STRA6: variants seen among roughly 807,000 people sequenced by gnomAD.
STRA6 encodes the protein signaling receptor and transporter of retinol STRA6.
STRA6 carries 48 observed loss-of-function variants against 83.6 expected under a neutral mutation model. The observed-to-expected ratio is 0.57, with a 90% CI of 0.46 to 0.73. STRA6 has a LOEUF of 0.73. Ranked by LOEUF, STRA6 falls within the 30% of genes least tolerant of loss-of-function variation. The pLI, the probability that STRA6 is intolerant of heterozygous loss-of-function variation, is 0.00. For missense variants in STRA6, 760 were observed against 838.8 expected (o/e 0.91, Z 1.16); for synonymous variants, 353 against 362.3 (o/e 0.97, Z 0.29).
chr15:74,200,493 A>G (rs765827848), intron 2 of STRA6, among the ~76,000 whole-genome samples: 12 of 152,240 alleles, frequency 7.9e-5, no homozygotes, highest in Non-Finnish European at 1.8e-4. Flanking sequence ...CACTGCCATC[A>G]GTGTTCATCC....
rs114998144 is a variant in STRA6, at chr15:74,182,057, T to C, written c.1520+104A>G. The C allele has an allele frequency of 1.3e-3, 1,378 of 1,027,678 alleles. 6 individuals carry two copies. In the African/African-American group the frequency reaches 0.014, roughly 11 times the overall value. The allele number at this position is 1,027,678 out of a possible 1,614,324, so 63.7% of individuals were successfully genotyped here. A position where few individuals can be genotyped will look rare whatever the true frequency, so the allele number is the denominator to read the frequency against. On this transcript the variant is annotated intron_variant, in intron 16 of 18. Transcript: ENST00000395105. ...TTCTACTATCATCTGGGTTCCTTGA[T>C]AGAGAGAAGGGATAGATGGCAGTGG...
At chr15:74,195,157 C>A in intron 7 of STRA6, 145 bp downstream of exon 7, 2 of 1,519,872 alleles carry the variant, frequency 1.3e-6, no homozygotes, top group Non-Finnish European at 8.8e-7. Flanking sequence ...TTGGAAGGGG[C>A]ACATGTTTGA....
At chr15:74,189,079 C>A in intron 12 of STRA6, 36 bp downstream of exon 12, 16 of 1,612,678 alleles carry the variant, frequency 9.9e-6, no homozygotes, top group Non-Finnish European at 1.4e-5. Flanking sequence ...CTTTCATTCC[C>A]CACTGCAGCC....
chr15:74,205,751 C>A (rs1407542828), upstream of STRA6, among the ~76,000 whole-genome samples: 1 of 152,222 alleles, frequency 6.6e-6, no homozygotes, highest in African/African-American at 2.4e-5. Context: ...CCTTCCCCAC[C>A]CCCCACGGAG....
upstream of STRA6, among the ~76,000 whole-genome samples, chr15:74,207,080 G>C (rs1400830362): frequency 1.3e-5 from 2 of 152,222 alleles, no homozygotes; most frequent in Non-Finnish European, 2.9e-5. Flanking sequence ...TTGGGACAGG[G>C]CTTCCTTCCT....
chr15:74,180,193 C>T lies in STRA6; in HGVS notation c.1891G>A (p.Gly631Arg), dbSNP rs144308388. The change falls in exon 19 of 19, where the codon GGG becomes AGG. Residue 631 changes from glycine (G) to arginine (R), a missense_variant. Coordinates refer to ENST00000395105, the MANE Select transcript of STRA6 (RefSeq NM_022369.4). ...CAGCGAGCCCTGCCGCGGCTGGCCC[C>T]GGGCCTAGCTCCCTTGGCCATGGAG... is the stretch of plus-strand genomic sequence containing the variant. ...KDSMAKGARP[G>R]ASRGRARWGL... is the part of the protein sequence containing the mutation. 47 of 1,613,918 alleles carry T rather than the reference C, an allele frequency of 2.9e-5. No homozygotes were observed. The African/African-American group carries it at 4.3e-4, about 15-fold the overall frequency.
intron 17 of STRA6, 87 bp downstream of exon 17, chr15:74,181,208 A>G: frequency 6.4e-7 from 1 of 1,566,478 alleles, no homozygotes; most frequent in Non-Finnish European, 8.7e-7. Context: ...TGAACTGATC[A>G]GCTGGCACGG....
chr15:74,207,627 A>G (rs1033189196), upstream of STRA6: 53 of 1,424,906 alleles, frequency 3.7e-5, no homozygotes, highest in East Asian at 1.3e-3. Flanking sequence ...TACACCCCCA[A>G]CTTCGATAGC....
Position 74,193,902 on chromosome 15 carries a change from C to G in STRA6, c.618G>C (p.Leu206=). 1.2e-6 allele frequency: 2 copies of G among 1,613,658 alleles called. No homozygotes were observed. Among genetic ancestry groups the G allele is most frequent in the Non-Finnish European group, 1.7e-6 (2 of 1,179,664 alleles). Residue 206 remains leucine, a synonymous_variant, in exon 8 of 19, where the codon CTG becomes CTC. Transcript: ENST00000395105. The part of the protein sequence containing the change: ...QVPKIYKYYS[L]LASLPLLLGL... ...CCAGCAGGAGAGGCAGGGAGGCCAG[C>G]AGGGAGTAGTACTTGTAGATCTGGA...
chr15:74,193,577 C>T (rs1391239129), intron 8 of STRA6, among the ~76,000 whole-genome samples: 1 of 152,202 alleles, frequency 6.6e-6, no homozygotes, highest in African/African-American at 2.4e-5. Flanking sequence ...CCCTACTATT[C>T]ACACAGCCCA....
At chr15:74,204,685 C>T (rs1266433096), upstream of STRA6, among the ~76,000 whole-genome samples, 1 of 152,214 alleles carries the variant, frequency 6.6e-6, no homozygotes, top group Non-Finnish European at 1.5e-5. Flanking sequence ...GTAATCCTAG[C>T]ACTTTGGGAG....
At chr15:74,184,811 C>T (rs1429180660) in intron 13 of STRA6, among the ~76,000 whole-genome samples, 169 bp downstream of exon 13, 2 of 152,230 alleles carry the variant, frequency 1.3e-5, no homozygotes, top group Non-Finnish European at 2.9e-5. Flanking sequence ...AGGGCAGGAC[C>T]CAGCCCCACC....
intron 2 of STRA6, among the ~76,000 whole-genome samples, chr15:74,199,371 C>T (rs2073958556): frequency 6.6e-6 from 1 of 152,164 alleles, no homozygotes; most frequent in South Asian, 2.1e-4. Flanking sequence ...AGACCAGCCT[C>T]TTCCCAAAGT....
intron 4 of STRA6, 69 bp from the exon 5 acceptor site, chr15:74,196,216 G>A: frequency 1.3e-6 from 2 of 1,593,908 alleles, no homozygotes; most frequent in Non-Finnish European, 1.7e-6. Flanking sequence ...CCTCCCAGCT[G>A]TATTCCATAA....
At chr15:74,197,100 G>C (rs1208258597) in intron 4 of STRA6, among the ~76,000 whole-genome samples, 2 of 152,154 alleles carry the variant, frequency 1.3e-5, no homozygotes, top group Non-Finnish European at 2.9e-5. Flanking sequence ...GTTTCCCTAG[G>C]GTCTGGGTTG....
At chr15:74,183,456 G>A (rs2073089659) in intron 14 of STRA6, 1 of 1,085,900 alleles carries the variant, frequency 9.2e-7, no homozygotes, top group Non-Finnish European at 1.1e-6. Context: ...ATGTTGGCCA[G>A]GCTGGTCTTC....
At chr15:74,195,096 G>A in intron 7 of STRA6, 1 of 1,470,964 alleles carries the variant, frequency 6.8e-7, no homozygotes, top group East Asian at 2.5e-5. Flanking sequence ...AAGTTCCTGA[G>A]GGCTGGGCCC....
chr15:74,209,428 C>T (rs2074334101), upstream of STRA6: 1 of 1,535,652 alleles, frequency 6.5e-7, no homozygotes, highest in African/African-American at 1.4e-5. Context: ...GAACCACCAG[C>T]TCGGCTCTTA....
chr15:74,197,457 C>T lies in STRA6; in HGVS notation c.181-34G>A, dbSNP rs184122828. Reference sequence around the variant, plus strand: ...AGAGTGCAGAGGAGGGCTTGGGGTGCCCAGGCCTCCCCTGAGGGTCTGAGT... The same window carrying T: ...AGAGTGCAGAGGAGGGCTTGGGGTGTCCAGGCCTCCCCTGAGGGTCTGAGT... On this transcript the variant is annotated intron_variant, in intron 3 of 18. Coordinates refer to ENST00000395105, the MANE Select transcript of STRA6 (RefSeq NM_022369.4). 6.3e-5 allele frequency: 96 copies of T among 1,516,108 alleles called. No homozygotes were observed. In the East Asian group the frequency reaches 6.4e-4, roughly 10 times the overall value. 93.9% of individuals were successfully genotyped at this position (1,516,108 alleles called of 1,614,324 possible). A position where few individuals can be genotyped will look rare whatever the true frequency, so the allele number is the denominator to read the frequency against.
Sources: gnomAD v4.1 joint callset for allele counts (sites outside exome capture counted in the v4.1 genomes callset) on GRCh38, gnomAD v4.1.1 for gene constraint, MANE v1.5 for transcripts, NCBI Gene and HGNC (gene_info 2026-07-23, HGNC 2026-07-21) for gene names.